PPP3CA: variants seen among roughly 807,000 people sequenced by gnomAD.
PPP3CA encodes the protein CAM-PRP catalytic subunit.
PPP3CA carries 14 observed loss-of-function variants against 66.5 expected under a neutral mutation model. The ratio of observed to expected loss-of-function variants is 0.21; its 90% CI spans 0.14 to 0.33. The LOEUF (loss-of-function observed/expected upper bound fraction) is 0.33. Ranked by LOEUF, PPP3CA falls within the 10% of genes least tolerant of loss-of-function variation. The probability of loss-of-function intolerance (pLI) is 1.00; values close to 1 mark genes in which losing one functional copy is unlikely to be tolerated. For missense variants in PPP3CA, 317 were observed against 639.5 expected (o/e 0.50, Z 5.44); for synonymous variants, 232 against 226.2 (o/e 1.03, Z -0.23).
intron 1 of PPP3CA, among the ~76,000 whole-genome samples, chr4:101,279,773 C>A (rs953206779): frequency 1.3e-5 from 2 of 152,006 alleles, no homozygotes; most frequent in Non-Finnish European, 2.9e-5. Flanking sequence ...GAGGGAAGAG[C>A]CAAGAGAAGT....
At chr4:101,077,464 A>G (rs542564566) in intron 8 of PPP3CA, among the ~76,000 whole-genome samples, 2 of 152,308 alleles carry the variant, frequency 1.3e-5, no homozygotes, top group Admixed American at 6.5e-5. Context: ...ATCCAATTTT[A>G]TTACACTGCT....
chr4:101,071,669 G>A (rs142095094), intron 8 of PPP3CA, among the ~76,000 whole-genome samples: 112 of 152,288 alleles, frequency 7.4e-4, no homozygotes, highest in East Asian at 6.2e-3. Flanking sequence ...TCTGTATGGA[G>A]GATTCAGCAT....
intron 1 of PPP3CA, among the ~76,000 whole-genome samples, chr4:101,345,877 G>A (rs1329286005): frequency 7.2e-5 from 11 of 152,200 alleles, no homozygotes; most frequent in Non-Finnish European, 1.5e-5. Context: ...GGAAGCAGGC[G>A]GAATGAGGTT....
At chr4:101,036,995 A>AT (rs1301604224) in intron 11 of PPP3CA, among the ~76,000 whole-genome samples, 1 of 150,792 alleles carries the variant, frequency 6.6e-6, no homozygotes, top group African/African-American at 2.4e-5. Context: ...ATTCTGGCTA[A>AT]TTTTAACAGG....
At chr4:101,195,697 A>G (rs10005338) in intron 2 of PPP3CA, among the ~76,000 whole-genome samples, 66,943 of 152,086 alleles carry the variant, frequency 0.44, 17,558 homozygotes, top group Middle Eastern at 0.64. Context: ...TCTAAGTTGC[A>G]TTCCACTTTT....
intron 10 of PPP3CA, among the ~76,000 whole-genome samples, chr4:101,045,709 G>T (rs1727735906): frequency 6.6e-6 from 1 of 152,080 alleles, no homozygotes; most frequent in African/African-American, 2.4e-5. Context: ...ACCTGTAAAG[G>T]CTTTAGCATA....
chr4:101,337,970 C>T (rs1345786130), intron 1 of PPP3CA, among the ~76,000 whole-genome samples: 1 of 152,188 alleles, frequency 6.6e-6, no homozygotes, highest in Non-Finnish European at 1.5e-5. Context: ...TAAGTTATCA[C>T]CTATCGGGGT....
At chr4:101,063,794 T>C (rs915865702) in intron 8 of PPP3CA, among the ~76,000 whole-genome samples, 1 of 151,976 alleles carries the variant, frequency 6.6e-6, no homozygotes, top group African/African-American at 2.4e-5. Context: ...CCAACAGTTG[T>C]ACAAAATAGT....
At chr4:101,272,964 C>G (rs938871733) in intron 1 of PPP3CA, among the ~76,000 whole-genome samples, 3 of 152,122 alleles carry the variant, frequency 2.0e-5, no homozygotes, top group Admixed American at 6.5e-5. Context: ...AGGAAGGGAG[C>G]AGAAGAGAAA....
At chr4:101,295,643 T>C (rs977007605) in intron 1 of PPP3CA, among the ~76,000 whole-genome samples, 1 of 152,256 alleles carries the variant, frequency 6.6e-6, no homozygotes, top group African/African-American at 2.4e-5. Context: ...TTACTTTGCT[T>C]CAAACTTTTC....
At chr4:101,127,657 G>T (rs918547257) in intron 2 of PPP3CA, among the ~76,000 whole-genome samples, 1 of 151,180 alleles carries the variant, frequency 6.6e-6, no homozygotes, top group Non-Finnish European at 1.5e-5. Flanking sequence ...TAAGTGACTC[G>T]GTTGGTAGCA....
At chr4:101,042,576 T>TC (rs1314948928) in intron 10 of PPP3CA, among the ~76,000 whole-genome samples, 2 of 152,172 alleles carry the variant, frequency 1.3e-5, no homozygotes, top group Non-Finnish European at 2.9e-5. Flanking sequence ...CACTGTAAGT[T>TC]CCTTGAATTA....
At chr4:101,153,724 T>C (rs1723217347) in intron 2 of PPP3CA, among the ~76,000 whole-genome samples, 1 of 152,190 alleles carries the variant, frequency 6.6e-6, no homozygotes, top group Non-Finnish European at 1.5e-5. Flanking sequence ...ACAGGTTATC[T>C]ACCTAGCAAA....
intron 1 of PPP3CA, among the ~76,000 whole-genome samples, chr4:101,275,873 T>C (rs201175170): frequency 7.2e-6 from 1 of 138,306 alleles, no homozygotes; most frequent in Non-Finnish European, 1.5e-5. Context: ...TTTTTTTTTG[T>C]TTTTTGTTTG....
intron 1 of PPP3CA, among the ~76,000 whole-genome samples, chr4:101,310,386 A>G (rs780819471): frequency 1.3e-5 from 2 of 152,182 alleles, no homozygotes; most frequent in African/African-American, 2.4e-5. Flanking sequence ...AGAAATAGTA[A>G]ATTATATAAA....
chr4:101,325,535 GGCTACTGTTAAC>G (rs746973268), intron 1 of PPP3CA, among the ~76,000 whole-genome samples: 37 of 152,142 alleles, frequency 2.4e-4, no homozygotes, highest in Non-Finnish European at 5.0e-4. Context: ...CAGAACACAG[GGCTACTGTTAAC>G]TAAATGAGTT....
chr4:101,194,515 T>C (rs1420703898), intron 2 of PPP3CA, among the ~76,000 whole-genome samples: 1 of 152,044 alleles, frequency 6.6e-6, no homozygotes, highest in Non-Finnish European at 1.5e-5. Context: ...TTAAGCAAAC[T>C]CCATAAAGAG....
chr4:101,190,320 C>T (rs540051959), intron 2 of PPP3CA, among the ~76,000 whole-genome samples: 1 of 152,078 alleles, frequency 6.6e-6, no homozygotes, highest in Non-Finnish European at 1.5e-5. Flanking sequence ...GTGAAAACAA[C>T]AGGCATTGCT....
intron 11 of PPP3CA, among the ~76,000 whole-genome samples, chr4:101,039,562 T>A (rs927080887): frequency 6.9e-6 from 1 of 144,224 alleles, no homozygotes; most frequent in African/African-American, 2.5e-5. Flanking sequence ...GCCTTTGATG[T>A]GGTGTCTCTG....
Sources: allele counts gnomAD v4.1 joint callset (sites outside exome capture counted in the v4.1 genomes callset), GRCh38; gene constraint gnomAD v4.1.1; transcripts MANE v1.5; gene names NCBI Gene and HGNC (gene_info 2026-07-23, HGNC 2026-07-21).